The following AUTS2 variants were observed in gnomAD, a reference collection of about 807,000 sequenced individuals.
AUTS2 encodes autism susceptibility gene 2 protein.
A neutral mutation model predicts 112.4 loss-of-function variants in AUTS2; 17 were observed. The observed-to-expected ratio is 0.15, with a 90% CI of 0.10 to 0.23. AUTS2 has a LOEUF of 0.23. Ranked by LOEUF, AUTS2 falls within the 10% of genes least tolerant of loss-of-function variation. AUTS2 has a pLI of 1.00. For synonymous variants in AUTS2, 751 were observed against 702.7 expected, an observed-to-expected ratio of 1.07 and a Z score of -1.09; for missense variants, 1,510 against 1,701.6, an observed-to-expected ratio of 0.89 and a Z score of 1.98.
At chr7:70,576,248 C>T (rs1033647290) in intron 5 of AUTS2, among the ~76,000 whole-genome samples, 1 of 152,132 alleles carries the variant, frequency 6.6e-6, no homozygotes, top group Admixed American at 6.5e-5. Flanking sequence ...ACAAGAGACC[C>T]ATCTGAGTGG....
chr7:70,702,258 C>T (rs1376727125), intron 6 of AUTS2, among the ~76,000 whole-genome samples: 1 of 152,130 alleles, frequency 6.6e-6, no homozygotes. Context: ...TCTGTGGAGC[C>T]CTCTGTTTAT....
At chr7:70,643,343 T>C (rs570203721) in intron 5 of AUTS2, among the ~76,000 whole-genome samples, 8 of 152,272 alleles carry the variant, frequency 5.3e-5, no homozygotes, top group African/African-American at 1.9e-4. Flanking sequence ...GAGGCCGAGG[T>C]GGGCAGATCA....
intron 2 of AUTS2, among the ~76,000 whole-genome samples, chr7:70,020,656 A>G (rs1339652572): frequency 6.6e-6 from 1 of 151,142 alleles, no homozygotes; most frequent in Non-Finnish European, 1.5e-5. Flanking sequence ...ATGCTTTAGG[A>G]CCTTTTTTCT....
chr7:69,602,593 T>C (rs1484695815), intron 1 of AUTS2, among the ~76,000 whole-genome samples: 1 of 152,206 alleles, frequency 6.6e-6, no homozygotes, highest in East Asian at 1.9e-4. Context: ...GAAATACTTC[T>C]GTATGAATCC....
intron 4 of AUTS2, among the ~76,000 whole-genome samples, chr7:70,321,300 G>A (rs950093542): frequency 2.6e-5 from 4 of 152,114 alleles, no homozygotes; most frequent in Non-Finnish European, 5.9e-5. Flanking sequence ...AATGTCCTTC[G>A]AAACATCCCA....
chr7:70,409,075 C>A (rs1794666807), intron 4 of AUTS2, among the ~76,000 whole-genome samples: 1 of 152,240 alleles, frequency 6.6e-6, no homozygotes, highest in African/African-American at 2.4e-5. Flanking sequence ...GTATGCATGC[C>A]CCTGAAGGTT....
intron 2 of AUTS2, among the ~76,000 whole-genome samples, chr7:70,077,722 A>T (rs888165983): frequency 7.2e-5 from 11 of 152,202 alleles, no homozygotes; most frequent in Admixed American, 2.0e-4. Context: ...CACCACACAC[A>T]AATGCCAACA....
At chr7:69,888,542 T>G (rs938828944) in intron 1 of AUTS2, among the ~76,000 whole-genome samples, 5 of 82,854 alleles carry the variant, frequency 6.0e-5, no homozygotes, top group South Asian at 4.7e-4. Flanking sequence ...ACATTGGGGA[T>G]ATATATATAT....
intron 2 of AUTS2, among the ~76,000 whole-genome samples, chr7:70,112,116 C>T (rs1805118052): frequency 6.6e-6 from 1 of 151,654 alleles, no homozygotes; most frequent in South Asian, 2.1e-4. Context: ...TACATTAAGT[C>T]CATGAGTTAA....
intron 1 of AUTS2, among the ~76,000 whole-genome samples, chr7:69,711,703 A>G (rs1402578784): frequency 6.6e-6 from 1 of 152,148 alleles, no homozygotes; most frequent in Non-Finnish European, 1.5e-5. Context: ...TAACCAATCA[A>G]ATTATTAGCT....
intron 3 of AUTS2, among the ~76,000 whole-genome samples, chr7:70,120,823 C>T (rs958328088): frequency 2.0e-4 from 31 of 152,222 alleles, no homozygotes; most frequent in African/African-American, 7.5e-4. Flanking sequence ...TTCCAACAAT[C>T]TTTTTTTGCA....
rs1440101504 is a variant in AUTS2, at chr7:70,762,886, T to C, written c.759T>C (p.Val253=). The C allele has an allele frequency of 5.6e-6, 9 of 1,613,418 alleles. No homozygotes were observed. Among genetic ancestry groups the C allele is most frequent in the Non-Finnish European group, 3.4e-6 (4 of 1,179,624 alleles). The change falls in exon 7 of 19, where the codon GTT becomes GTC. Residue 253 remains valine (V), a synonymous_variant. Coordinates refer to ENST00000342771, the MANE Select transcript of AUTS2 (RefSeq NM_015570.4). ...VIVNKDPELG[V]GTLPEHDSQD... ...CCCATGCAGATCCGGAGTTAGGTGTTGGCACGCTACCAGAACATGACAGCC... is the reference window on the plus strand; with the variant it reads ...CCCATGCAGATCCGGAGTTAGGTGTCGGCACGCTACCAGAACATGACAGCC...
chr7:70,771,482 G>T (rs533494797), intron 10 of AUTS2, 67 bp from the exon 11 acceptor site: 1 of 1,352,832 alleles, frequency 7.4e-7, no homozygotes. Flanking sequence ...TCTATGGGAC[G>T]GGAATTTGAA....
At chr7:70,015,870 CT>C (rs987765594) in intron 2 of AUTS2, among the ~76,000 whole-genome samples, 5 of 150,784 alleles carry the variant, frequency 3.3e-5, no homozygotes, top group African/African-American at 9.8e-5. Context: ...TTTTTTCCCC[CT>C]GTGCTTATGC....
chr7:70,745,225 A>G (rs1788380218), intron 6 of AUTS2, among the ~76,000 whole-genome samples: 2 of 152,022 alleles, frequency 1.3e-5, no homozygotes, highest in Non-Finnish European at 2.9e-5. Flanking sequence ...AGCCCCATGT[A>G]CTTTGAGCTT....
chr7:70,510,284 C>A (rs1423434226), intron 5 of AUTS2, among the ~76,000 whole-genome samples: 1 of 152,232 alleles, frequency 6.6e-6, no homozygotes, highest in Admixed American at 6.5e-5. Flanking sequence ...CACTACAATT[C>A]TTTACTTAAG....
At chr7:69,994,162 T>C (rs1487568113) in intron 2 of AUTS2, among the ~76,000 whole-genome samples, 2 of 152,080 alleles carry the variant, frequency 1.3e-5, no homozygotes, top group African/African-American at 4.8e-5. Context: ...GCCCAGAAGT[T>C]TGAGGTTACG....
intron 4 of AUTS2, among the ~76,000 whole-genome samples, chr7:70,220,257 T>A (rs1811404035): frequency 6.6e-6 from 1 of 152,204 alleles, no homozygotes; most frequent in African/African-American, 2.4e-5. Flanking sequence ...TTCAATCATT[T>A]AAAAATATAA....
At chr7:70,409,343 A>T (rs535549945) in intron 4 of AUTS2, among the ~76,000 whole-genome samples, 1 of 149,724 alleles carries the variant, frequency 6.7e-6, no homozygotes, top group Non-Finnish European at 1.5e-5. Context: ...ATATATATAT[A>T]TGTGTGTGTG....
Sources: gnomAD v4.1 joint callset for allele counts (sites outside exome capture counted in the v4.1 genomes callset) on GRCh38, gnomAD v4.1.1 for gene constraint, MANE v1.5 for transcripts, NCBI Gene and HGNC (gene_info 2026-07-23, HGNC 2026-07-21) for gene names.